Variants in ZFP3 observed in about 807,000 individuals in gnomAD.
The protein encoded by ZFP3 is zinc finger protein 3 homolog.
A neutral mutation model predicts 36.7 loss-of-function variants in ZFP3; 18 were observed. The observed-to-expected ratio is 0.49, with a 90% confidence interval of 0.34 to 0.73. ZFP3 has a LOEUF of 0.73. Ranked by LOEUF, ZFP3 falls within the 30% of genes least tolerant of loss-of-function variation. The pLI is 0.01. For missense variants in ZFP3, 495 were observed against 599.0 expected, an observed-to-expected ratio of 0.83 and a Z score of 1.81; for synonymous variants, 218 against 199.0, an observed-to-expected ratio of 1.10 and a Z score of -0.81.
chr17:5,087,227 C>T (rs2072126430), intron 1 of ZFP3, among the ~76,000 whole-genome samples: 1 of 151,714 alleles, frequency 6.6e-6, no homozygotes, highest in Non-Finnish European at 1.5e-5. Context: ...ACTACAGGCA[C>T]ATGCCACTAT....
rs779966731 is a variant in ZFP3 at position 5,095,392 on chromosome 17, CAAATT to C, written c.*2380_*2384del. On this transcript the variant is annotated 3_prime_UTR_variant, in exon 2 of 2. Transcript: ENST00000318833. ...TTATTCCTTTTTCATTGCTGGAGCA[CAAATT>C]GAATTGTGCCCAGACCGTATCTTTC... 6.0e-5 allele frequency: 10 copies of C among 167,052 alleles called. No homozygotes were observed. Among genetic ancestry groups the C allele is most frequent in the Non-Finnish European group, 1.3e-4 (9 of 68,118 alleles). 10.3% of individuals were successfully genotyped at this position (167,052 alleles called of 1,614,324 possible). A position where few individuals can be genotyped will look rare whatever the true frequency, so the allele number is the denominator to read the frequency against.
chr17:5,093,080 C>T lies in ZFP3; in HGVS notation c.*67C>T. 3 of 1,442,048 alleles carry T rather than the reference C, an allele frequency of 2.1e-6. No individual in the cohort carries two copies. Among genetic ancestry groups the T allele is most frequent in the South Asian group, 1.4e-5 (1 of 69,126 alleles). The allele number at this position is 1,442,048 out of a possible 1,614,324, so 89.3% of individuals were successfully genotyped here. On this transcript the variant is annotated 3_prime_UTR_variant, in exon 2 of 2. Coordinates refer to ENST00000318833, the MANE Select transcript of ZFP3 (RefSeq NM_153018.3). ...AACTTATTCATTTGTTCATAATATGCAAATATGCACCCCAAGTATTCAAAT... is the reference window on the plus strand; with the variant it reads ...AACTTATTCATTTGTTCATAATATGTAAATATGCACCCCAAGTATTCAAAT...
At chr17:5,088,399 T>C (rs10438722) in intron 1 of ZFP3, among the ~76,000 whole-genome samples, 46,312 of 151,730 alleles carry the variant, frequency 0.31, 7,236 homozygotes, top group Middle Eastern at 0.37. Flanking sequence ...AGTGCTCTAG[T>C]GAGATCACAT....
At position 5,095,897 on chromosome 17, in the gene ZFP3, A is replaced by C. The variant is rs530362846; in HGVS notation, c.*2884A>C. ...CCTGTTGTACCTGACCATGTTCTTA[A>C]GGGGGAGGTCTCACGTCTCATTCCC... On this transcript the variant is annotated 3_prime_UTR_variant, in exon 2 of 2. Coordinates refer to ENST00000318833, the MANE Select transcript of ZFP3 (RefSeq NM_153018.3). 1.2e-5 allele frequency: 2 copies of C among 166,994 alleles called. No individual in the cohort carries two copies. The highest frequency in any genetic ancestry group is 3.9e-4 in the East Asian group (2 of 5,190). 10.3% of individuals were successfully genotyped at this position (166,994 alleles called of 1,614,324 possible).
intron 1 of ZFP3, among the ~76,000 whole-genome samples, chr17:5,089,284 C>T (rs1413505301): frequency 6.6e-6 from 1 of 152,178 alleles, no homozygotes; most frequent in Non-Finnish European, 1.5e-5. Context: ...AGCTGTGATC[C>T]CCAGTCCTAG....
At chr17:5,079,815 G>A (rs1386519278) in intron 1 of ZFP3, among the ~76,000 whole-genome samples, 2 of 152,100 alleles carry the variant, frequency 1.3e-5, no homozygotes, top group African/African-American at 4.8e-5. Flanking sequence ...AAAGGTGGGC[G>A]GATCACCTGA....
chr17:5,086,196 C>T (rs916235697), intron 1 of ZFP3, among the ~76,000 whole-genome samples: 1 of 152,158 alleles, frequency 6.6e-6, no homozygotes, highest in Non-Finnish European at 1.5e-5. Flanking sequence ...CAAAGAGCTT[C>T]TAAGACTTCA....
At chr17:5,081,405 T>C (rs931382092) in intron 1 of ZFP3, among the ~76,000 whole-genome samples, 1 of 152,182 alleles carries the variant, frequency 6.6e-6, no homozygotes, top group Non-Finnish European at 1.5e-5. Context: ...GATGGAAATA[T>C]GTGGAGGGGG....
At chr17:5,090,877 C>T (rs1280353704) in intron 1 of ZFP3, among the ~76,000 whole-genome samples, 4 of 152,048 alleles carry the variant, frequency 2.6e-5, no homozygotes, top group African/African-American at 9.7e-5. Flanking sequence ...CCATGTTGCC[C>T]AGGTTGGTCT....
chr17:5,085,931 G>T (rs112232794), intron 1 of ZFP3, among the ~76,000 whole-genome samples: 1 of 152,140 alleles, frequency 6.6e-6, no homozygotes, highest in Non-Finnish European at 1.5e-5. Flanking sequence ...CTTGCTCTTG[G>T]GTAGGGATGA....
chr17:5,085,058 G>A (rs956864630), intron 1 of ZFP3, among the ~76,000 whole-genome samples: 3 of 152,184 alleles, frequency 2.0e-5, no homozygotes, highest in African/African-American at 4.8e-5. Flanking sequence ...TGTTTTTTTT[G>A]AGATGGAATC....
intron 1 of ZFP3, among the ~76,000 whole-genome samples, chr17:5,081,030 C>A (rs2072090208): frequency 6.6e-6 from 1 of 152,018 alleles, no homozygotes; most frequent in Non-Finnish European, 1.5e-5. Flanking sequence ...CTCATCTCCC[C>A]TCCATATTTA....
Position 5,095,069 on chromosome 17 carries a change from GCA to G in ZFP3, c.*2059_*2060del, listed in dbSNP as rs1171992850. 6.0e-6 allele frequency: 1 copy of G among 167,006 alleles called. No homozygotes were observed. Among genetic ancestry groups the G allele is most frequent in the Non-Finnish European group, 1.5e-5 (1 of 68,120 alleles). The allele number at this position is 167,006 out of a possible 1,614,324, so 10.3% of individuals were successfully genotyped here. ...ATTACTGCCTTATCTGAAACCCTTT[GCA>G]CAGTTTCTATTACTGATTTCTATGT... On this transcript the variant is annotated 3_prime_UTR_variant, in exon 2 of 2. Transcript: ENST00000318833.
chr17:5,093,240 C>T lies in ZFP3; in HGVS notation c.*227C>T, dbSNP rs1190001159. 5 of 482,138 alleles carry T rather than the reference C, an allele frequency of 1.0e-5. No individual in the cohort carries two copies. In the East Asian group the frequency reaches 1.4e-4, roughly 14 times the overall value. The allele number at this position is 482,138 out of a possible 1,614,324, so 29.9% of individuals were successfully genotyped here. ...TTGCCCAGGATGGGATGCAGTGGCA[C>T]AGTCGTAACTCACTGCTTCCTTGAA... On this transcript the variant is annotated 3_prime_UTR_variant, in exon 2 of 2. Transcript: ENST00000318833.
rs1025471049 is a variant in ZFP3, at chr17:5,096,262, T to C, written c.*3249T>C. On this transcript the variant is annotated 3_prime_UTR_variant, in exon 2 of 2. Coordinates refer to ENST00000318833, the MANE Select transcript of ZFP3 (RefSeq NM_153018.3). ...AAAGTCCTATCTAAATACCCAGAAATACCCTTCAGAATTTTTGAAGCTATG... is the reference window on the plus strand; with the variant it reads ...AAAGTCCTATCTAAATACCCAGAAACACCCTTCAGAATTTTTGAAGCTATG... 6.0e-6 allele frequency: 1 copy of C among 167,050 alleles called. No homozygotes were observed. Among genetic ancestry groups the C allele is most frequent in the Non-Finnish European group, 1.5e-5 (1 of 68,108 alleles). 10.3% of individuals were successfully genotyped at this position (167,050 alleles called of 1,614,324 possible). A position where few individuals can be genotyped will look rare whatever the true frequency, so the allele number is the denominator to read the frequency against.
Position 5,095,273 on chromosome 17 carries a change from C to T in ZFP3, c.*2260C>T, listed in dbSNP as rs2072174621. 1 of 167,064 alleles carries T rather than the reference C, an allele frequency of 6.0e-6. No individual in the cohort carries two copies. The highest frequency in any genetic ancestry group is 1.5e-5 in the Non-Finnish European group (1 of 68,114). 10.3% of individuals were successfully genotyped at this position (167,064 alleles called of 1,614,324 possible). ...TGATTGCAGAGTTTCCACATCCTTC[C>T]AGATACCTCTGCCTCTAGCAGTCAC... On this transcript the variant is annotated 3_prime_UTR_variant, in exon 2 of 2. Coordinates refer to ENST00000318833, the MANE Select transcript of ZFP3 (RefSeq NM_153018.3).
intron 1 of ZFP3, among the ~76,000 whole-genome samples, chr17:5,087,228 A>G (rs1165649119): frequency 4.6e-5 from 7 of 151,700 alleles, no homozygotes; most frequent in Admixed American, 4.6e-4. Flanking sequence ...CTACAGGCAC[A>G]TGCCACTATG....
In ZFP3 at chr17:5,093,029, A is replaced by G; in HGVS notation, c.*16A>G. ...TATGGAGTAATCTGCAAAATAGGAA[A>G]GCTTTTAGTGGAAAAGCTAAAGTCC... On this transcript the variant is annotated 3_prime_UTR_variant, in exon 2 of 2. Coordinates refer to ENST00000318833, the MANE Select transcript of ZFP3 (RefSeq NM_153018.3). The G allele has an allele frequency of 6.5e-7, 1 of 1,538,976 alleles. No individual in the cohort carries two copies. The highest frequency in any genetic ancestry group is 8.7e-7 in the Non-Finnish European group (1 of 1,146,434).
intron 1 of ZFP3, among the ~76,000 whole-genome samples, chr17:5,089,594 A>G (rs1445738008): frequency 1.3e-5 from 2 of 152,220 alleles, no homozygotes; most frequent in Non-Finnish European, 2.9e-5. Context: ...GGGGTAGGCA[A>G]CTAAACATTT....
Sources: allele counts gnomAD v4.1 joint callset (sites outside exome capture counted in the v4.1 genomes callset), GRCh38; gene constraint gnomAD v4.1.1; transcripts MANE v1.5; gene names NCBI Gene and HGNC (gene_info 2026-07-23, HGNC 2026-07-21).